Variants in ZEB2 observed in about 807,000 individuals in gnomAD.
ZEB2 encodes zinc finger E-box-binding homeobox 2.
ZEB2 carries 6 observed loss-of-function variants against 99.9 expected under a neutral mutation model. The ratio of observed to expected loss-of-function variants is 0.06; its 90% CI spans 0.03 to 0.12. The LOEUF (loss-of-function observed/expected upper bound fraction) is 0.12, where lower values mean the gene tolerates loss of function less well. Ranked by LOEUF, ZEB2 falls within the 10% of genes least tolerant of loss-of-function variation. ZEB2 has a pLI of 1.00. For missense variants in ZEB2, 969 were observed against 1,502.8 expected (o/e 0.64, Z 5.87); for synonymous variants, 517 against 542.5 (o/e 0.95, Z 0.65).
intron 4 of ZEB2, among the ~76,000 whole-genome samples, chr2:144,423,777 C>A (rs1015819290): frequency 3.9e-5 from 6 of 152,110 alleles, no homozygotes; most frequent in African/African-American, 1.4e-4. Context: ...TTAATAAGCA[C>A]ATTTTAAACA....
At chr2:144,504,095 C>CAA (rs1288081457) in intron 2 of ZEB2, 3 of 47,580 alleles carry the variant, frequency 6.3e-5, no homozygotes, top group African/African-American at 2.0e-4. Flanking sequence ...AAAAAAAAAA[C>CAA]AACAAAAAAA....
chr2:144,404,837 A>G lies in ZEB2; in HGVS notation c.591T>C (p.Asn197=), dbSNP rs1314877292. ...GTPEANGQEE[N]DLPPGTPDAF... The stretch of plus-strand genomic sequence containing the variant: ...GCTAAAAATGATTTACAGCCTCACC[A>G]TTTTCTTCTTGCCCATTGGCCTCTG... The change falls in exon 5 of 10, where the codon AAT becomes AAC. Residue 197 remains asparagine (N), a splice_region_variant and synonymous_variant. Coordinates refer to ENST00000627532, the MANE Select transcript of ZEB2 (RefSeq NM_014795.4). 6.2e-7 allele frequency: 1 copy of G among 1,613,862 alleles called. No homozygotes were observed. Among genetic ancestry groups the G allele is most frequent in the Non-Finnish European group, 8.5e-7 (1 of 1,179,890 alleles).
chr2:144,500,181 AT>A (rs1397395431), intron 2 of ZEB2, among the ~76,000 whole-genome samples: 3 of 152,024 alleles, frequency 2.0e-5, no homozygotes, highest in South Asian at 4.1e-4. Context: ...TGCTAATTAC[AT>A]TTTTTTTACT....
chr2:144,513,413 C>T (rs1033400840), intron 2 of ZEB2: 2 of 1,387,630 alleles, frequency 1.4e-6, no homozygotes, highest in Admixed American at 2.2e-5. Context: ...TGTCCCCAAC[C>T]CTTTAGTGGA....
At chr2:144,483,878 T>C (rs1704554374) in intron 2 of ZEB2, among the ~76,000 whole-genome samples, 1 of 152,210 alleles carries the variant, frequency 6.6e-6, no homozygotes, top group Non-Finnish European at 1.5e-5. Flanking sequence ...TTCCAACTTT[T>C]ACCTGATGCT....
intron 2 of ZEB2, among the ~76,000 whole-genome samples, chr2:144,507,069 G>A (rs758066042): frequency 6.1e-4 from 92 of 152,060 alleles, no homozygotes; most frequent in Non-Finnish European, 1.1e-3. Context: ...TCATATATTT[G>A]TGATATATAA....
chr2:144,485,673 G>A (rs1178234268), intron 2 of ZEB2, among the ~76,000 whole-genome samples: 1 of 152,118 alleles, frequency 6.6e-6, no homozygotes, highest in Non-Finnish European at 1.5e-5. Context: ...GAGCTGGGGT[G>A]CAACGGCATG....
chr2:144,451,843 C>T (rs186756161), intron 2 of ZEB2, among the ~76,000 whole-genome samples: 10 of 152,336 alleles, frequency 6.6e-5, no homozygotes, highest in South Asian at 2.1e-4. Context: ...CACATCGGTA[C>T]GCATGCCTAT....
intron 2 of ZEB2, chr2:144,512,594 T>C: frequency 7.8e-7 from 1 of 1,287,274 alleles, no homozygotes; most frequent in Non-Finnish European, 1.0e-6. Flanking sequence ...GACGTGAATT[T>C]ATTTGTATCT....
intron 2 of ZEB2, among the ~76,000 whole-genome samples, chr2:144,493,799 C>T (rs899097518): frequency 1.3e-5 from 2 of 152,158 alleles, no homozygotes; most frequent in African/African-American, 4.8e-5. Flanking sequence ...TCTCTTATGG[C>T]TGCTGTCCAA....
At chr2:144,493,705 A>G (rs527431103) in intron 2 of ZEB2, among the ~76,000 whole-genome samples, 2 of 152,302 alleles carry the variant, frequency 1.3e-5, no homozygotes, top group East Asian at 1.9e-4. Flanking sequence ...ATGTGGACCA[A>G]TTCATAGCTT....
chr2:144,493,588 A>G (rs1419529779), intron 2 of ZEB2, among the ~76,000 whole-genome samples: 3 of 152,150 alleles, frequency 2.0e-5, no homozygotes, highest in East Asian at 1.9e-4. Context: ...TTACAAGTGA[A>G]TAGATCTAGA....
At chr2:144,481,877 A>C (rs1704518039) in intron 2 of ZEB2, among the ~76,000 whole-genome samples, 1 of 152,148 alleles carries the variant, frequency 6.6e-6, no homozygotes, top group Non-Finnish European at 1.5e-5. Flanking sequence ...CATCAAGTTT[A>C]CCTCCCCTTT....
At chr2:144,439,691 C>G (rs1282133952) in intron 2 of ZEB2, among the ~76,000 whole-genome samples, 1 of 152,154 alleles carries the variant, frequency 6.6e-6, no homozygotes, top group Non-Finnish European at 1.5e-5. Flanking sequence ...GCAATAAAAG[C>G]GAACAATTTC....
chr2:144,467,020 A>T (rs1704281032), intron 2 of ZEB2, among the ~76,000 whole-genome samples: 1 of 152,120 alleles, frequency 6.6e-6, no homozygotes, highest in African/African-American at 2.4e-5. Context: ...CAGTTTCTTA[A>T]TCCCTCCCTA....
At chr2:144,465,086 T>C (rs1234089977) in intron 2 of ZEB2, among the ~76,000 whole-genome samples, 1 of 152,082 alleles carries the variant, frequency 6.6e-6, no homozygotes, top group African/African-American at 2.4e-5. Flanking sequence ...ATGGAAAGAG[T>C]AGCTCGTATA....
rs1185911608 is a variant in ZEB2 at position 144,387,837 on chromosome 2, A to G, written c.*1614T>C. ...AGGATCAGTTGAGAAAAGCTGTAAA[A>G]TTGCTGTACATAGGTATGGAATTTT... On this transcript the variant is annotated 3_prime_UTR_variant, in exon 10 of 10. Coordinates refer to ENST00000627532, the MANE Select transcript of ZEB2 (RefSeq NM_014795.4). The G allele has an allele frequency of 6.6e-6, 1 of 152,226 alleles. No individual in the cohort carries two copies. The highest frequency in any genetic ancestry group is 6.5e-5 in the Admixed American group (1 of 15,280). 9.4% of individuals were successfully genotyped at this position (152,226 alleles called of 1,614,324 possible).
At chr2:144,509,053 T>C (rs1170386351) in intron 2 of ZEB2, among the ~76,000 whole-genome samples, 2 of 152,118 alleles carry the variant, frequency 1.3e-5, no homozygotes, top group Non-Finnish European at 2.9e-5. Context: ...TAAACCACAT[T>C]GTTTTAAAAG....
At chr2:144,433,036 G>A (rs1703793859) in intron 2 of ZEB2, among the ~76,000 whole-genome samples, 3 of 152,096 alleles carry the variant, frequency 2.0e-5, no homozygotes, top group African/African-American at 7.2e-5. Context: ...CTTTGCATGA[G>A]TCTCAGCAAA....
Sources: gnomAD v4.1 joint callset for allele counts (sites outside exome capture counted in the v4.1 genomes callset) on GRCh38, gnomAD v4.1.1 for gene constraint, MANE v1.5 for transcripts, NCBI Gene and HGNC (gene_info 2026-07-23, HGNC 2026-07-21) for gene names.